CHL1: variants seen among roughly 807,000 people sequenced by gnomAD.
CHL1 encodes the protein cell adhesion molecule L1 like, also known as neural cell adhesion molecule L1-like protein.
Under a neutral mutation model 141.9 loss-of-function variants are expected in CHL1, and 96 were observed. That is an observed-to-expected ratio of 0.68 (90% CI 0.57 to 0.80). CHL1 has a LOEUF of 0.80. Among genes scored for constraint, CHL1 ranks in the 30% least tolerant of loss-of-function variants. The pLI, the probability that CHL1 is intolerant of heterozygous loss-of-function variation, is 0.00. For missense variants in CHL1, 1,820 were observed against 1,457.2 expected, an observed-to-expected ratio of 1.25 and a Z score of -4.05; for synonymous variants, 613 against 502.2, an observed-to-expected ratio of 1.22 and a Z score of -2.95.
rs779436992 is a variant in CHL1 at position 349,364 on chromosome 3, C to A, written c.854C>A (p.Thr285Asn). 6.2e-7 allele frequency: 1 copy of A among 1,611,106 alleles called. No individual in the cohort carries two copies. The highest frequency in any genetic ancestry group is 8.5e-7 in the Non-Finnish European group (1 of 1,178,960). ...TATTTAACTATTTTTTGCAGGCCAA[C>A]TCCACAGGTTGATTGGAACAAAATT... is the stretch of plus-strand genomic sequence containing the variant. Reference protein sequence around the residue: ...LLECFAEGLPTPQVDWNKIGG... With the variant: ...LLECFAEGLPNPQVDWNKIGG... Residue 285 changes from threonine to asparagine, a missense_variant, in exon 10 of 28, where the codon ACT (threonine) becomes AAT (asparagine). Coordinates refer to ENST00000256509, the MANE Select transcript of CHL1 (RefSeq NM_006614.4).
At chr3:391,407 T>A (rs1708218527) in intron 22 of CHL1, among the ~76,000 whole-genome samples, 1 of 152,104 alleles carries the variant, frequency 6.6e-6, no homozygotes, top group East Asian at 1.9e-4. Context: ...TCCCAGCTAC[T>A]CGGGAGGCTG....
At position 344,785 on chromosome 3, in the gene CHL1, T is replaced by C; in HGVS notation, c.848+76T>C. On this transcript the variant is annotated intron_variant, in intron 9 of 27. Coordinates refer to ENST00000256509, the MANE Select transcript of CHL1 (RefSeq NM_006614.4). ...AATAAGACATCAAGCACATTAAGAC[T>C]GTGCTTGCAAAGATATTTTAAAATT... 4 of 1,362,186 alleles carry C rather than the reference T, an allele frequency of 2.9e-6. 1 individual carries two copies. The South Asian group carries it at 5.7e-5, about 20-fold the overall frequency. 84.4% of individuals were successfully genotyped at this position (1,362,186 alleles called of 1,614,324 possible).
intron 19 of CHL1, among the ~76,000 whole-genome samples, chr3:388,004 G>T (rs749998288): frequency 6.6e-6 from 1 of 152,150 alleles, no homozygotes; most frequent in Non-Finnish European, 1.5e-5. Context: ...TACAGATTCT[G>T]TAAGAACACT....
chr3:370,291 T>A (rs1414699911), intron 15 of CHL1, among the ~76,000 whole-genome samples: 1 of 152,202 alleles, frequency 6.6e-6, no homozygotes, highest in Non-Finnish European at 1.5e-5. Context: ...ATTGCTCTAT[T>A]CAGGGATTCA....
intron 1 of CHL1, among the ~76,000 whole-genome samples, chr3:227,391 T>G (rs540350680): frequency 7.9e-5 from 12 of 152,312 alleles, no homozygotes; most frequent in African/African-American, 2.6e-4. Flanking sequence ...GCATTGTGAC[T>G]CTGAGCAAAA....
At chr3:365,236 G>A (rs1053330716) in intron 14 of CHL1, among the ~76,000 whole-genome samples, 9 of 152,300 alleles carry the variant, frequency 5.9e-5, no homozygotes, top group South Asian at 2.1e-4. Context: ...AGTAAGGATT[G>A]CACGTTTTGA....
At chr3:314,465 T>C (rs886381775) in intron 2 of CHL1, among the ~76,000 whole-genome samples, 2 of 150,758 alleles carry the variant, frequency 1.3e-5, no homozygotes, top group African/African-American at 4.9e-5. Flanking sequence ...CCCAAAACAC[T>C]GATTCAATAA....
chr3:288,372 C>T (rs1697363227), intron 2 of CHL1, among the ~76,000 whole-genome samples: 1 of 151,786 alleles, frequency 6.6e-6, no homozygotes, highest in South Asian at 2.1e-4. Flanking sequence ...TACATATATG[C>T]ATATACAATG....
chr3:212,336 C>G (rs1444214203), intron 1 of CHL1, among the ~76,000 whole-genome samples: 1 of 152,078 alleles, frequency 6.6e-6, no homozygotes, highest in Non-Finnish European at 1.5e-5. Flanking sequence ...CTTGCTTTAG[C>G]CATTTACCAT....
intron 2 of CHL1, among the ~76,000 whole-genome samples, chr3:264,457 A>G (rs1002053443): frequency 1.2e-4 from 19 of 152,176 alleles, no homozygotes; most frequent in African/African-American, 4.6e-4. Flanking sequence ...CAATGAGAAT[A>G]CTTGCTGGGA....
intron 5 of CHL1, among the ~76,000 whole-genome samples, chr3:335,257 G>C (rs1479351276): frequency 6.6e-6 from 1 of 152,312 alleles, no homozygotes; most frequent in East Asian, 1.9e-4. Flanking sequence ...GTGCAACTTT[G>C]AATTCTAAAG....
intron 1 of CHL1, among the ~76,000 whole-genome samples, chr3:203,988 A>G (rs931329555): frequency 2.6e-5 from 4 of 152,192 alleles, no homozygotes; most frequent in Non-Finnish European, 4.4e-5. Flanking sequence ...CAAAATAGGG[A>G]ATCATTAAGT....
At chr3:273,145 C>A (rs2125253666) in intron 2 of CHL1, among the ~76,000 whole-genome samples, 1 of 152,264 alleles carries the variant, frequency 6.6e-6, no homozygotes, top group South Asian at 2.1e-4. Context: ...TAGTATTTCA[C>A]AAACAGTGAG....
intron 2 of CHL1, among the ~76,000 whole-genome samples, chr3:296,406 A>G (rs1698189660): frequency 6.6e-6 from 1 of 150,982 alleles, no homozygotes; most frequent in Non-Finnish European, 1.5e-5. Context: ...TGATATTAGG[A>G]TATAAATCCT....
At chr3:341,688 T>G (rs966893035) in intron 6 of CHL1, among the ~76,000 whole-genome samples, 2 of 152,104 alleles carry the variant, frequency 1.3e-5, no homozygotes, top group Non-Finnish European at 2.9e-5. Context: ...GTGGACTTCT[T>G]TGGTTAATGG....
chr3:301,068 T>C (rs1698683361), intron 2 of CHL1, among the ~76,000 whole-genome samples: 1 of 152,178 alleles, frequency 6.6e-6, no homozygotes, highest in Non-Finnish European at 1.5e-5. Flanking sequence ...AGTAATGACA[T>C]GCCATTGAAG....
At chr3:351,125 G>A (rs1420215541) in intron 10 of CHL1, among the ~76,000 whole-genome samples, 1 of 152,052 alleles carries the variant, frequency 6.6e-6, no homozygotes, top group Admixed American at 6.6e-5. Context: ...TTAACAATCT[G>A]GCCACAGTTT....
intron 27 of CHL1, 29 bp downstream of exon 27, chr3:401,727 AAC>A: frequency 7.8e-7 from 1 of 1,283,026 alleles, no homozygotes. Context: ...TGTAAAATAA[AAC>A]ACATATTCAT....
At chr3:202,897 G>A (rs1403735964) in intron 1 of CHL1, among the ~76,000 whole-genome samples, 3 of 152,204 alleles carry the variant, frequency 2.0e-5, no homozygotes, top group African/African-American at 7.2e-5. Context: ...CTGATTTGCA[G>A]ATGAATGTGA....
Sources: gnomAD v4.1 joint callset for allele counts (sites outside exome capture counted in the v4.1 genomes callset) on GRCh38, gnomAD v4.1.1 for gene constraint, MANE v1.5 for transcripts, NCBI Gene and HGNC (gene_info 2026-07-23, HGNC 2026-07-21) for gene names.